Variants in TIA1 observed in about 807,000 individuals in gnomAD.
TIA1 encodes the protein cytotoxic granule associated RNA binding protein TIA1.
TIA1 carries 23 observed loss-of-function variants against 65.9 expected under a neutral mutation model. The observed-to-expected ratio is 0.35, with a 90% CI of 0.25 to 0.49. TIA1 has a LOEUF of 0.49. Among genes scored for constraint, TIA1 ranks in the 20% least tolerant of loss-of-function variants. TIA1 has a pLI of 0.98. For synonymous variants in TIA1, 147 were observed against 149.4 expected, an observed-to-expected ratio of 0.98 and a Z score of 0.12; for missense variants, 371 against 477.9, an observed-to-expected ratio of 0.78 and a Z score of 2.09.
intron 1 of TIA1, among the ~76,000 whole-genome samples, chr2:70,238,259 A>ATTTT (rs1689962625): frequency 3.1e-5 from 4 of 128,688 alleles, no homozygotes; most frequent in South Asian, 2.4e-4. Flanking sequence ...CGTTCCCCCA[A>ATTTT]GTTTTTTTTT....
At chr2:70,241,390 C>T (rs138127455) in intron 1 of TIA1, among the ~76,000 whole-genome samples, 1,754 of 151,152 alleles carry the variant, frequency 0.012, 38 homozygotes, top group African/African-American at 0.041. Flanking sequence ...TGCAGTGAGC[C>T]GAGATCATGC....
chr2:70,242,597 A>G (rs1052943820), intron 1 of TIA1, among the ~76,000 whole-genome samples: 1 of 151,906 alleles, frequency 6.6e-6, no homozygotes, highest in African/African-American at 2.4e-5. Flanking sequence ...AAATTCCATA[A>G]GAGGTTTTCA....
chr2:70,230,733 CTTCT>C lies in TIA1; in HGVS notation c.222+19_222+22del, dbSNP rs780349808. The C allele has an allele frequency of 1.7e-5, 26 of 1,543,002 alleles. No homozygotes were observed. The highest frequency in any genetic ancestry group is 8.4e-5 in the African/African-American group (6 of 71,544). On this transcript the variant is annotated intron_variant, in intron 3 of 12. Transcript: ENST00000433529. ...CTTAAATTTTTTCAGTGCAAGTCACCTTCTTTAATTACGACAGCTTACCTTACCC... is the reference window on the plus strand; with the variant it reads ...CTTAAATTTTTTCAGTGCAAGTCACCTTAATTACGACAGCTTACCTTACCC...
chr2:70,244,255 C>T (rs1693206885), intron 1 of TIA1, among the ~76,000 whole-genome samples: 1 of 152,130 alleles, frequency 6.6e-6, no homozygotes, highest in Non-Finnish European at 1.5e-5. Flanking sequence ...GATGACCTTC[C>T]TTTATTATTC....
chr2:70,230,004 C>T (rs992184171), intron 3 of TIA1, among the ~76,000 whole-genome samples: 12 of 151,194 alleles, frequency 7.9e-5, no homozygotes, highest in African/African-American at 1.5e-4. Context: ...TTTGGGAGGC[C>T]GAGACGGGCA....
Position 70,216,263 on chromosome 2 carries a change from A to G in TIA1, c.709T>C (p.Phe237Leu). 6.3e-7 allele frequency: 1 copy of G among 1,596,640 alleles called. No individual in the cohort carries two copies. Among genetic ancestry groups the G allele is most frequent in the Non-Finnish European group, 8.5e-7 (1 of 1,175,480 alleles). Reference sequence around the variant, plus strand: ...ACTCGAATTTCCATTATTTGTCCAAATGGTGAAAAAGTCTGACGCATTAGT... The same window carrying G: ...ACTCGAATTTCCATTATTTGTCCAAGTGGTGAAAAAGTCTGACGCATTAGT... ...EQLMRQTFSP[F>L]GQIMEIRVFP... is the part of the protein sequence containing the mutation. Residue 237 changes from phenylalanine (F) to leucine (L), a missense_variant, in exon 10 of 13, where the codon TTT (phenylalanine) becomes CTT (leucine). Physicochemically the swap from Phe to Leu is conservative, Grantham distance 22 (BLOSUM62 0). Transcript: ENST00000433529.
At chr2:70,230,647 C>T in intron 3 of TIA1, 109 bp downstream of exon 3, 2 of 783,238 alleles carry the variant, frequency 2.6e-6, no homozygotes, top group Non-Finnish European at 3.7e-6. Flanking sequence ...GGCAAAATTT[C>T]ATCTCAAAAA....
At chr2:70,230,198 G>A (rs10203927) in intron 3 of TIA1, among the ~76,000 whole-genome samples, 6,398 of 148,662 alleles carry the variant, frequency 0.043, 455 homozygotes, top group African/African-American at 0.15. Flanking sequence ...AGCTGAGATC[G>A]CGCCGCTGCA....
At chr2:70,235,306 T>C (rs1396062989) in intron 2 of TIA1, among the ~76,000 whole-genome samples, 1 of 151,902 alleles carries the variant, frequency 6.6e-6, no homozygotes, top group Non-Finnish European at 1.5e-5. Context: ...TCCCAGCTAC[T>C]TGGGAGGCTG....
At chr2:70,248,638 G>A (rs1695609135), upstream of TIA1, 4 of 675,774 alleles carry the variant, frequency 5.9e-6, no homozygotes, top group East Asian at 2.8e-5. Context: ...CGAGCCGGGA[G>A]CCTAGGAGCA....
At chr2:70,237,823 G>C (rs962349296) in intron 1 of TIA1, among the ~76,000 whole-genome samples, 1 of 149,462 alleles carries the variant, frequency 6.7e-6, no homozygotes, top group Admixed American at 6.7e-5. Context: ...CCCCGATCAC[G>C]CCACTGCACT....
At chr2:70,213,852 A>G (rs1677409684) in intron 12 of TIA1, among the ~76,000 whole-genome samples, 1 of 152,186 alleles carries the variant, frequency 6.6e-6, no homozygotes, top group South Asian at 2.1e-4. Flanking sequence ...GGGTTTCGCC[A>G]TGTTGGCCAG....
intron 7 of TIA1, among the ~76,000 whole-genome samples, chr2:70,224,002 G>A (rs556563108): frequency 2.5e-3 from 374 of 151,992 alleles, no homozygotes; most frequent in Non-Finnish European, 3.7e-3. Context: ...ACTGCAACCT[G>A]TGCCTCCTGG....
Position 70,248,592 on chromosome 2 carries a change from C to G in TIA1, c.-162G>C. On this transcript the variant is annotated 5_prime_UTR_variant, in exon 1 of 13. Transcript: ENST00000433529. ...GGCAATTACACTAAACCGCCCGGCC[C>G]AGCGGGAACAATGAAACCCCAATAC... 1.0e-6 allele frequency: 1 copy of G among 1,000,630 alleles called. No homozygotes were observed. The highest frequency in any genetic ancestry group is 1.4e-5 in the South Asian group (1 of 72,342). The allele number at this position is 1,000,630 out of a possible 1,614,324, so 62.0% of individuals were successfully genotyped here. A position where few individuals can be genotyped will look rare whatever the true frequency, so the allele number is the denominator to read the frequency against.
chr2:70,228,101 TAAAC>T (rs1007444622), intron 5 of TIA1, among the ~76,000 whole-genome samples: 2 of 152,148 alleles, frequency 1.3e-5, no homozygotes, highest in Admixed American at 6.5e-5. Context: ...TCTAAGAAAA[TAAAC>T]TAATAACATA....
intron 7 of TIA1, among the ~76,000 whole-genome samples, chr2:70,218,814 G>A (rs1290461523): frequency 5.3e-5 from 8 of 152,204 alleles, no homozygotes; most frequent in African/African-American, 1.9e-4. Flanking sequence ...TGAAACTTGT[G>A]CAATATTCTA....
At chr2:70,246,703 T>C (rs989306379) in intron 1 of TIA1, among the ~76,000 whole-genome samples, 1 of 152,150 alleles carries the variant, frequency 6.6e-6, no homozygotes, top group Non-Finnish European at 1.5e-5. Context: ...TTGGCCGACA[T>C]GGTGAAACCC....
chr2:70,228,756 G>C, intron 5 of TIA1: 1 of 1,291,494 alleles, frequency 7.7e-7, no homozygotes, highest in Non-Finnish European at 9.8e-7. Context: ...GCATTTGGAA[G>C]ATCTGGGTAT....
chr2:70,222,298 A>C (rs1414668210), intron 7 of TIA1, among the ~76,000 whole-genome samples: 16 of 152,178 alleles, frequency 1.1e-4, no homozygotes. Context: ...GATGAATTTT[A>C]TGTAAGTTTG....
Sources: gnomAD v4.1 joint callset for allele counts (sites outside exome capture counted in the v4.1 genomes callset) on GRCh38, gnomAD v4.1.1 for gene constraint, MANE v1.5 for transcripts, NCBI Gene and HGNC (gene_info 2026-07-23, HGNC 2026-07-21) for gene names.